The following ZNF385D variants were observed in gnomAD, a reference collection of about 807,000 sequenced individuals.
ZNF385D encodes the protein zinc finger protein 385D, also known as zinc finger protein 659.
ZNF385D carries 15 observed loss-of-function variants against 35.8 expected under a neutral mutation model. The observed-to-expected ratio is 0.42, with a 90% CI of 0.28 to 0.64. The LOEUF is 0.64. Among genes scored for constraint, ZNF385D ranks in the 30% least tolerant of loss-of-function variants. The probability of loss-of-function intolerance (pLI) is 0.23; values close to 1 mark genes in which losing one functional copy is unlikely to be tolerated. For synonymous variants in ZNF385D, 212 were observed against 186.8 expected (o/e 1.13, Z -1.10); for missense variants, 474 against 494.6 (o/e 0.96, Z 0.39).
At chr3:22,332,888 A>G (rs183718617) in intron 2 of ZNF385D, among the ~76,000 whole-genome samples, 121 of 151,718 alleles carry the variant, frequency 8.0e-4, no homozygotes, top group African/African-American at 2.8e-3. Context: ...CATGTATAGC[A>G]TTTATATTAC....
chr3:21,883,665 A>G (rs1379212964), intron 3 of ZNF385D, among the ~76,000 whole-genome samples: 1 of 152,072 alleles, frequency 6.6e-6, no homozygotes, highest in African/African-American at 2.4e-5. Flanking sequence ...TTGATGCACG[A>G]TGCTGCCTGC....
intron 3 of ZNF385D, among the ~76,000 whole-genome samples, chr3:21,988,782 G>A (rs1049689741): frequency 6.6e-6 from 1 of 152,012 alleles, no homozygotes; most frequent in Non-Finnish European, 1.5e-5. Context: ...CTGCCGCTTT[G>A]CAGTTTGATC....
intron 2 of ZNF385D, among the ~76,000 whole-genome samples, chr3:21,625,298 G>C (rs1239531360): frequency 6.6e-6 from 1 of 152,020 alleles, no homozygotes; most frequent in Non-Finnish European, 1.5e-5. Context: ...CTCGTTGACA[G>C]TTAATATATG....
intron 3 of ZNF385D, among the ~76,000 whole-genome samples, chr3:22,088,168 A>T (rs1450540517): frequency 1.3e-5 from 2 of 152,218 alleles, no homozygotes; most frequent in African/African-American, 4.8e-5. Context: ...AGCAGGAGAG[A>T]ATACCCTTCT....
intron 1 of ZNF385D, among the ~76,000 whole-genome samples, chr3:21,728,917 A>G (rs1328928441): frequency 6.6e-6 from 1 of 152,208 alleles, no homozygotes; most frequent in East Asian, 1.9e-4. Flanking sequence ...TTATTTGAGC[A>G]CAGCTATCTT....
At chr3:21,661,108 G>A (rs775316486) in intron 2 of ZNF385D, among the ~76,000 whole-genome samples, 4 of 152,080 alleles carry the variant, frequency 2.6e-5, no homozygotes, top group African/African-American at 7.2e-5. Flanking sequence ...GAAAGAGAAC[G>A]GAAAAAAACG....
intron 3 of ZNF385D, among the ~76,000 whole-genome samples, chr3:22,038,647 G>A (rs1442606865): frequency 6.6e-6 from 1 of 152,012 alleles, no homozygotes; most frequent in African/African-American, 2.4e-5. Flanking sequence ...AAAAACTAGT[G>A]TAATTTGGAA....
chr3:22,195,857 A>C (rs2125233701), intron 2 of ZNF385D, among the ~76,000 whole-genome samples: 1 of 152,168 alleles, frequency 6.6e-6, no homozygotes, highest in East Asian at 1.9e-4. Context: ...AAAGAACAAG[A>C]TCATGTTCTT....
chr3:22,229,591 G>C (rs975442613), intron 2 of ZNF385D, among the ~76,000 whole-genome samples: 1 of 152,144 alleles, frequency 6.6e-6, no homozygotes. Context: ...GAAGTTAGAA[G>C]TTATTTCCTC....
chr3:22,138,215 C>T (rs1451903863), intron 3 of ZNF385D, among the ~76,000 whole-genome samples: 1 of 152,058 alleles, frequency 6.6e-6, no homozygotes, highest in Non-Finnish European at 1.5e-5. Flanking sequence ...TAGGAAGAAT[C>T]AATATCATGA....
intron 4 of ZNF385D, among the ~76,000 whole-genome samples, chr3:21,487,704 TC>T (rs1400443368): frequency 1.3e-5 from 2 of 152,094 alleles, no homozygotes; most frequent in African/African-American, 4.8e-5. Flanking sequence ...TCAGGATCAG[TC>T]CTCTGAAGCT....
intron 3 of ZNF385D, among the ~76,000 whole-genome samples, chr3:21,864,381 A>G (rs974802253): frequency 3.9e-5 from 6 of 152,116 alleles, no homozygotes; most frequent in South Asian, 4.1e-4. Flanking sequence ...TACCAACTAC[A>G]TACTCTATGA....
intron 2 of ZNF385D, among the ~76,000 whole-genome samples, chr3:21,628,293 T>A (rs1188055561): frequency 6.6e-6 from 1 of 152,122 alleles, no homozygotes; most frequent in Non-Finnish European, 1.5e-5. Context: ...AGCAACAATC[T>A]TGCTTTTCAA....
chr3:21,735,234 T>C (rs375347340), intron 1 of ZNF385D, among the ~76,000 whole-genome samples: 14 of 152,170 alleles, frequency 9.2e-5, no homozygotes, highest in African/African-American at 2.9e-4. Flanking sequence ...ATCTGTAAAA[T>C]GAAAAGGATA....
At chr3:22,333,096 A>G (rs1489910575) in intron 2 of ZNF385D, among the ~76,000 whole-genome samples, 5 of 152,156 alleles carry the variant, frequency 3.3e-5, no homozygotes, top group Non-Finnish European at 4.4e-5. Flanking sequence ...CTAGCTTGGC[A>G]GTCCTTTTCT....
At chr3:21,866,504 A>G (rs1376299586) in intron 3 of ZNF385D, among the ~76,000 whole-genome samples, 1 of 152,126 alleles carries the variant, frequency 6.6e-6, no homozygotes, top group East Asian at 1.9e-4. Flanking sequence ...CTATTGATCT[A>G]CGGATATTGT....
intron 2 of ZNF385D, among the ~76,000 whole-genome samples, chr3:22,188,571 T>C (rs1356309159): frequency 2.0e-5 from 3 of 152,028 alleles, no homozygotes; most frequent in African/African-American, 7.2e-5. Context: ...TGCCTCAGCC[T>C]CCCGAGTAGC....
At chr3:22,150,312 T>C (rs1184628581) in intron 3 of ZNF385D, among the ~76,000 whole-genome samples, 1 of 152,160 alleles carries the variant, frequency 6.6e-6, no homozygotes. Flanking sequence ...CTAGGTTATA[T>C]ATGTATGTAT....
At chr3:22,328,972 G>T (rs1400625188) in intron 2 of ZNF385D, among the ~76,000 whole-genome samples, 1 of 151,328 alleles carries the variant, frequency 6.6e-6, no homozygotes, top group East Asian at 2.0e-4. Flanking sequence ...ACCTACTTGG[G>T]AGGCTGAGGC....
Sources: allele counts gnomAD v4.1 joint callset (sites outside exome capture counted in the v4.1 genomes callset), GRCh38; gene constraint gnomAD v4.1.1; transcripts MANE v1.5; gene names NCBI Gene and HGNC (gene_info 2026-07-23, HGNC 2026-07-21).